Variants in MAP2 observed in about 807,000 individuals in gnomAD.
The protein encoded by MAP2 is microtubule associated protein 2.
A neutral mutation model predicts 137.6 loss-of-function variants in MAP2; 14 were observed. The observed-to-expected ratio is 0.10, with a 90% CI of 0.07 to 0.16. The LOEUF (loss-of-function observed/expected upper bound fraction) is 0.16. MAP2 is among the 10% of genes least tolerant of loss of function. The probability of loss-of-function intolerance (pLI) is 1.00; values close to 1 mark genes in which losing one functional copy is unlikely to be tolerated. For synonymous variants in MAP2, 786 were observed against 782.3 expected (o/e 1.00, Z -0.08); for missense variants, 2,088 against 2,191.5 (o/e 0.95, Z 0.94).
At position 209,696,733 on chromosome 2, in the gene MAP2, G is replaced by T. The variant is rs368819881; in HGVS notation, c.4372G>T (p.Val1458Leu). The change falls in exon 9 of 16, where the codon GTG becomes TTG. Residue 1458 changes from valine (V) to leucine (L), a missense_variant. Transcript: ENST00000682079. ...ACCTAGCACAGTCTCCAGAGATGAA[G>T]TGAGAAGGAAAAAAGGTTCATTTAA... The part of the protein sequence containing the change: ...KEPSTVSRDE[V>L]RRKKAVYKKA... 6.2e-7 allele frequency: 1 copy of T among 1,603,348 alleles called. No individual in the cohort carries two copies. The highest frequency in any genetic ancestry group is 8.5e-7 in the Non-Finnish European group (1 of 1,177,350).
intron 7 of MAP2, chr2:209,684,702 A>G (rs1273976394): frequency 2.0e-5 from 3 of 152,204 alleles, no homozygotes; most frequent in Non-Finnish European, 4.4e-5. Context: ...GCAGAAAACT[A>G]TGCAAAAGTC....
chr2:209,520,892 GAC>G (rs1047199873), intron 2 of MAP2, among the ~76,000 whole-genome samples: 3 of 151,998 alleles, frequency 2.0e-5, no homozygotes, highest in African/African-American at 7.2e-5. Context: ...ATTTTTGAAT[GAC>G]ACACTGTGCT....
intron 10 of MAP2, among the ~76,000 whole-genome samples, chr2:209,697,256 T>C (rs1559602772): frequency 6.6e-6 from 1 of 152,204 alleles, no homozygotes; most frequent in Non-Finnish European, 1.5e-5. Context: ...TTCTTTGTCA[T>C]GCTCAGACAT....
rs2094920810 is a variant in MAP2, at chr2:209,653,164, T to C, written c.-7T>C. On this transcript the variant is annotated 5_prime_UTR_variant, in exon 5 of 16. Transcript: ENST00000682079. ...CAGTTGCAGGAGAAATAACAAGGCA[T>C]TGAAGAATGGCAGATGAACGGAAAG... The C allele has an allele frequency of 6.3e-7, 1 of 1,584,692 alleles. No individual in the cohort carries two copies. Among genetic ancestry groups the C allele is most frequent in the Non-Finnish European group, 8.6e-7 (1 of 1,167,228 alleles).
intron 5 of MAP2, among the ~76,000 whole-genome samples, chr2:209,669,361 T>G (rs761161176): frequency 6.6e-6 from 1 of 152,082 alleles, no homozygotes; most frequent in African/African-American, 2.4e-5. Flanking sequence ...CATATGCATC[T>G]AGGTCACAAG....
At chr2:209,495,424 C>T (rs1290661858) in intron 1 of MAP2, among the ~76,000 whole-genome samples, 1 of 152,254 alleles carries the variant, frequency 6.6e-6, no homozygotes, top group Non-Finnish European at 1.5e-5. Flanking sequence ...ACAGACATCT[C>T]ATACGGGAGA....
chr2:209,586,653 T>C (rs898160640), intron 3 of MAP2, among the ~76,000 whole-genome samples: 1 of 152,144 alleles, frequency 6.6e-6, no homozygotes, highest in Non-Finnish European at 1.5e-5. Context: ...ATTTGCTTCT[T>C]AAACTTTAAA....
At chr2:209,498,574 G>A (rs542842261) in intron 1 of MAP2, among the ~76,000 whole-genome samples, 1 of 152,340 alleles carries the variant, frequency 6.6e-6, no homozygotes, top group Admixed American at 6.5e-5. Context: ...GCAGGCTTCT[G>A]CCTGGGCATC....
intron 7 of MAP2, among the ~76,000 whole-genome samples, chr2:209,681,809 A>G (rs763624656): frequency 1.3e-5 from 2 of 152,172 alleles, no homozygotes; most frequent in Non-Finnish European, 2.9e-5. Flanking sequence ...TTCATTTAAA[A>G]TATTCTTTGA....
At position 209,689,657 on chromosome 2, in the gene MAP2, C is replaced by T. The variant is rs138721505; in HGVS notation, c.455-2968C>T. Among the ~76,000 whole-genome samples the T allele has an allele frequency of 2.3e-3, 356 of 151,988 alleles. 2 individuals are homozygous for T. Among genetic ancestry groups the T allele is most frequent in the Middle Eastern group, 0.014 (4 of 294 alleles). On this transcript the variant is annotated intron_variant, in intron 7 of 15. Coordinates refer to ENST00000682079, the MANE Select transcript of MAP2 (RefSeq NM_001375505.1). ...TGGTTTGGGGGGTGGTTATTTTGGC[C>T]GTTTGATTGCCACTCAATTATCTTT...
chr2:209,599,202 T>C (rs1375752720), intron 3 of MAP2, among the ~76,000 whole-genome samples: 1 of 152,062 alleles, frequency 6.6e-6, no homozygotes. Flanking sequence ...TGGCCAGTGA[T>C]GGTGAGCATT....
chr2:209,473,860 T>C (rs1160242316), intron 1 of MAP2, among the ~76,000 whole-genome samples: 2 of 152,208 alleles, frequency 1.3e-5, no homozygotes, highest in Non-Finnish European at 2.9e-5. Context: ...TTTGTATCCT[T>C]GTATTTTACA....
chr2:209,645,732 A>T (rs1290070575), intron 4 of MAP2, among the ~76,000 whole-genome samples: 1 of 152,230 alleles, frequency 6.6e-6, no homozygotes, highest in Non-Finnish European at 1.5e-5. Flanking sequence ...ATTCTGCAGG[A>T]TTTCAGAAAA....
intron 6 of MAP2, among the ~76,000 whole-genome samples, chr2:209,680,092 T>C (rs2053881590): frequency 6.6e-6 from 1 of 152,182 alleles, no homozygotes; most frequent in Non-Finnish European, 1.5e-5. Flanking sequence ...TTTTAGAACC[T>C]TTTTCTCTGG....
intron 1 of MAP2, among the ~76,000 whole-genome samples, chr2:209,502,278 A>G (rs2060475357): frequency 6.6e-6 from 1 of 151,984 alleles, no homozygotes; most frequent in Non-Finnish European, 1.5e-5. Context: ...CCAGATAACC[A>G]CCATTCTACT....
chr2:209,691,098 A>T (rs1196782839), intron 7 of MAP2, among the ~76,000 whole-genome samples: 1 of 152,116 alleles, frequency 6.6e-6, no homozygotes, highest in East Asian at 1.9e-4. Context: ...AGCCAGGCTG[A>T]TGATGCTATG....
intron 5 of MAP2, among the ~76,000 whole-genome samples, chr2:209,676,477 A>G (rs2051532170): frequency 6.6e-6 from 1 of 151,610 alleles, no homozygotes; most frequent in African/African-American, 2.4e-5. Context: ...TCTGTACAAC[A>G]AGCCCCCATG....
intron 3 of MAP2, among the ~76,000 whole-genome samples, chr2:209,612,760 T>G (rs1176465292): frequency 6.6e-6 from 1 of 152,232 alleles, no homozygotes. Flanking sequence ...ATGTCTTTTT[T>G]GGTCATGAGT....
chr2:209,632,935 C>G (rs992345053), intron 4 of MAP2, among the ~76,000 whole-genome samples: 7 of 152,134 alleles, frequency 4.6e-5, no homozygotes, highest in African/African-American at 1.7e-4. Context: ...CATGCTGTCA[C>G]TGTGTAATTT....
Sources: allele counts gnomAD v4.1 joint callset (sites outside exome capture counted in the v4.1 genomes callset), GRCh38; gene constraint gnomAD v4.1.1; transcripts MANE v1.5; gene names NCBI Gene and HGNC (gene_info 2026-07-23, HGNC 2026-07-21).